Variants in HDAC9 observed in about 807,000 individuals in gnomAD.
The protein encoded by HDAC9 is histone deacetylase 9, also known as MEF-2 interacting transcription repressor (MITR) protein.
A neutral mutation model predicts 139.4 loss-of-function variants in HDAC9; 41 were observed. The ratio of observed to expected loss-of-function variants is 0.29; its 90% CI spans 0.23 to 0.38. HDAC9 has a LOEUF of 0.38. HDAC9 is among the 10% of genes least tolerant of loss of function. The probability of loss-of-function intolerance (pLI) is 1.00; values close to 1 mark genes in which losing one functional copy is unlikely to be tolerated. For missense variants in HDAC9, 1,147 were observed against 1,297.0 expected (o/e 0.88, Z 1.78); for synonymous variants, 517 against 476.2 (o/e 1.09, Z -1.12).
chr7:18,605,916 G>T (rs1584008457), intron 6 of HDAC9, among the ~76,000 whole-genome samples: 1 of 152,118 alleles, frequency 6.6e-6, no homozygotes, highest in Admixed American at 6.6e-5. Flanking sequence ...TCCTGACCTT[G>T]TGATCTGCCC....
At chr7:18,303,947 T>C (rs912813149) in intron 1 of HDAC9, among the ~76,000 whole-genome samples, 1 of 152,214 alleles carries the variant, frequency 6.6e-6, no homozygotes, top group Non-Finnish European at 1.5e-5. Flanking sequence ...CAACCTGAAG[T>C]GTTACACAAG....
At chr7:18,645,237 G>A (rs1006161219) in intron 9 of HDAC9, among the ~76,000 whole-genome samples, 4 of 152,250 alleles carry the variant, frequency 2.6e-5, no homozygotes, top group Non-Finnish European at 4.4e-5. Flanking sequence ...CGAAAGCACA[G>A]CAGCATATGT....
At chr7:18,125,432 CGTGTGTGT>C (rs10647409) in intron 1 of HDAC9, among the ~76,000 whole-genome samples, 32 of 142,554 alleles carry the variant, frequency 2.2e-4, no homozygotes, top group African/African-American at 8.8e-4. Context: ...TATATATATG[CGTGTGTGT>C]GTGTGTGTGT....
At chr7:18,176,447 T>C (rs971223275) in intron 2 of HDAC9, among the ~76,000 whole-genome samples, 2 of 152,244 alleles carry the variant, frequency 1.3e-5, no homozygotes, top group Non-Finnish European at 2.9e-5. Context: ...TTCATGGACA[T>C]GTAAATTTTG....
chr7:18,662,326 A>G (rs1156905718), intron 11 of HDAC9, among the ~76,000 whole-genome samples: 1 of 151,356 alleles, frequency 6.6e-6, no homozygotes, highest in Non-Finnish European at 1.5e-5. Context: ...GAAAGCCTAA[A>G]GAGAAGGGGA....
chr7:18,193,586 A>G (rs140404139), intron 2 of HDAC9, among the ~76,000 whole-genome samples: 1 of 152,308 alleles, frequency 6.6e-6, no homozygotes, highest in African/African-American at 2.4e-5. Flanking sequence ...AATGTTCCTA[A>G]TATCTTGAAC....
At chr7:18,771,537 ATGTGTG>A (rs144486840) in intron 16 of HDAC9, among the ~76,000 whole-genome samples, 36 of 146,550 alleles carry the variant, frequency 2.5e-4, no homozygotes, top group African/African-American at 5.7e-4. Context: ...ATTTACAGAT[ATGTGTG>A]TGTGTGTGTG....
chr7:18,613,093 C>T (rs1257322087), intron 6 of HDAC9, among the ~76,000 whole-genome samples: 2 of 147,174 alleles, frequency 1.4e-5, no homozygotes, highest in African/African-American at 2.5e-5. Context: ...TTATATTTCT[C>T]TTTTATATAT....
At chr7:18,544,966 G>A (rs1586877710) in intron 2 of HDAC9, among the ~76,000 whole-genome samples, 1 of 152,314 alleles carries the variant, frequency 6.6e-6, no homozygotes. Flanking sequence ...TGTCAAAACT[G>A]AGCGGTGGTG....
At chr7:18,396,435 T>C (rs1787070122) in intron 1 of HDAC9, among the ~76,000 whole-genome samples, 1 of 152,098 alleles carries the variant, frequency 6.6e-6, no homozygotes, top group Admixed American at 6.6e-5. Context: ...ACAGGATATA[T>C]AGTTAGTTTA....
chr7:18,140,908 G>GTT (rs78385182), intron 1 of HDAC9, among the ~76,000 whole-genome samples: 13 of 137,908 alleles, frequency 9.4e-5, no homozygotes, highest in African/African-American at 5.3e-5. Flanking sequence ...AAACTTTAAA[G>GTT]TTTTTTTTTT....
intron 3 of HDAC9, among the ~76,000 whole-genome samples, chr7:18,586,270 A>G (rs1829445518): frequency 6.6e-6 from 1 of 152,084 alleles, no homozygotes; most frequent in South Asian, 2.1e-4. Flanking sequence ...ATCTTCAGAG[A>G]TAAATATTAC....
chr7:19,002,179 A>G lies in HDAC9; in HGVS notation c.*6117A>G, dbSNP rs1190944103. 1 of 152,082 alleles carries G rather than the reference A, an allele frequency of 6.6e-6. No homozygotes were observed. Among genetic ancestry groups the G allele is most frequent in the East Asian group, 1.9e-4 (1 of 5,196 alleles). 9.4% of individuals were successfully genotyped at this position (152,082 alleles called of 1,614,324 possible). ...TCCCAGATGTGAAAAATAATAATCTAATAAAGGATTAATATCTAATAACAA... is the reference window on the plus strand; with the variant it reads ...TCCCAGATGTGAAAAATAATAATCTGATAAAGGATTAATATCTAATAACAA... On this transcript the variant is annotated 3_prime_UTR_variant, in exon 26 of 26. Coordinates refer to ENST00000686413, the MANE Select transcript of HDAC9 (RefSeq NM_178425.4).
intron 1 of HDAC9, among the ~76,000 whole-genome samples, chr7:18,134,302 A>G (rs1357191352): frequency 6.6e-6 from 1 of 152,074 alleles, no homozygotes; most frequent in Non-Finnish European, 1.5e-5. Context: ...ATTATTTTTT[A>G]TTAATGTCAT....
chr7:18,689,725 C>T (rs1414304899), intron 12 of HDAC9, among the ~76,000 whole-genome samples: 1 of 151,912 alleles, frequency 6.6e-6, no homozygotes, highest in African/African-American at 2.4e-5. Context: ...GGATCACTAG[C>T]AGCCTAGTTT....
chr7:18,620,860 G>T (rs566303852), intron 6 of HDAC9, among the ~76,000 whole-genome samples: 14 of 152,150 alleles, frequency 9.2e-5, no homozygotes, highest in Admixed American at 3.9e-4. Flanking sequence ...ATGTAAAGAG[G>T]TTATCATTGT....
intron 1 of HDAC9, among the ~76,000 whole-genome samples, chr7:18,411,377 C>T (rs577613051): frequency 6.6e-6 from 1 of 152,050 alleles, no homozygotes; most frequent in Non-Finnish European, 1.5e-5. Context: ...AAATATTAGA[C>T]TTCTTTTCTT....
At chr7:18,622,388 A>G (rs1410260238) in intron 6 of HDAC9, among the ~76,000 whole-genome samples, 3 of 152,160 alleles carry the variant, frequency 2.0e-5, no homozygotes, top group African/African-American at 7.2e-5. Flanking sequence ...CAATGGCATG[A>G]TCTCGACTCA....
chr7:18,256,968 G>T (rs959793329), intron 2 of HDAC9, among the ~76,000 whole-genome samples: 3 of 151,762 alleles, frequency 2.0e-5, no homozygotes, highest in African/African-American at 7.3e-5. Flanking sequence ...GCATATCTGA[G>T]GTCCCAGCTA....
Sources: allele counts gnomAD v4.1 joint callset (sites outside exome capture counted in the v4.1 genomes callset), GRCh38; gene constraint gnomAD v4.1.1; transcripts MANE v1.5; gene names NCBI Gene and HGNC (gene_info 2026-07-23, HGNC 2026-07-21).